The following CREBBP variants were observed in gnomAD, a reference collection of about 807,000 sequenced individuals.
CREBBP encodes CREB binding lysine acetyltransferase, also known as CREB-binding protein.
A neutral mutation model predicts 265.0 loss-of-function variants in CREBBP; 19 were observed. The ratio of observed to expected loss-of-function variants is 0.07; its 90% CI spans 0.05 to 0.11. The LOEUF is 0.11. Among genes scored for constraint, CREBBP ranks in the 10% least tolerant of loss-of-function variants. CREBBP has a pLI of 1.00. For synonymous variants in CREBBP, 1,457 were observed against 1,223.7 expected (o/e 1.19, Z -3.98); for missense variants, 2,525 against 3,219.0 (o/e 0.78, Z 5.22).
intron 28 of CREBBP, among the ~76,000 whole-genome samples, chr16:3,732,793 A>G (rs1412575223): frequency 6.6e-6 from 1 of 151,468 alleles, no homozygotes; most frequent in Non-Finnish European, 1.5e-5. Flanking sequence ...CTCTGCCTCC[A>G]AGGTTCAAGC....
At position 3,758,992 on chromosome 16, in the gene CREBBP, A is replaced by G. The variant is rs1488893838; in HGVS notation, c.3251-20T>C. 23 of 1,568,716 alleles carry G rather than the reference A, an allele frequency of 1.5e-5. No homozygotes were observed. The highest frequency in any genetic ancestry group is 1.9e-5 in the Non-Finnish European group (22 of 1,139,602). Reference sequence around the variant, plus strand: ...TAAAGACTGCAGAGAAAACATCAAGAAAAGACACTTTGTAAAAGGTGCTCA... The same window carrying G: ...TAAAGACTGCAGAGAAAACATCAAGGAAAGACACTTTGTAAAAGGTGCTCA... On this transcript the variant is annotated intron_variant, in intron 16 of 30. Transcript: ENST00000262367.
intron 8 of CREBBP, 78 bp downstream of exon 8, chr16:3,780,654 G>A (rs1440306261): frequency 2.7e-6 from 4 of 1,489,072 alleles, no homozygotes; most frequent in Admixed American, 1.8e-5. Flanking sequence ...TAGGCTCCTA[G>A]GGTACTGTCA....
At position 3,853,435 on chromosome 16, in the gene CREBBP, C is replaced by G. The variant is rs574329185; in HGVS notation, c.86-2426G>C. Among the ~76,000 whole-genome samples, 4 of 150,770 alleles carry G rather than the reference C, an allele frequency of 2.7e-5. No homozygotes were observed. The East Asian group carries it at 7.9e-4, about 30-fold the overall frequency. On this transcript the variant is annotated intron_variant, in intron 1 of 30. Coordinates refer to ENST00000262367, the MANE Select transcript of CREBBP (RefSeq NM_004380.3). ...ACCATCCTGGCTAACACGGTGAAAC[C>G]CTGTCTCTACTAAAAATATAAAAAA...
intron 2 of CREBBP, among the ~76,000 whole-genome samples, chr16:3,845,092 G>T (rs542960141): frequency 6.6e-6 from 1 of 152,242 alleles, no homozygotes; most frequent in African/African-American, 2.4e-5. Context: ...TTGAAAAAAA[G>T]TCCTAAATTT....
chr16:3,790,966 G>A (rs928893159), intron 5 of CREBBP, among the ~76,000 whole-genome samples: 39 of 152,130 alleles, frequency 2.6e-4, no homozygotes, highest in African/African-American at 7.7e-4. Flanking sequence ...AGGCAGCTGC[G>A]GGGTCTTGAG....
chr16:3,822,586 C>T (rs1567340101), intron 2 of CREBBP, among the ~76,000 whole-genome samples: 1 of 152,142 alleles, frequency 6.6e-6, no homozygotes, highest in Non-Finnish European at 1.5e-5. Flanking sequence ...GGTTCTGTGT[C>T]ATCTCCTCAT....
Position 3,728,041 on chromosome 16 carries a change from C to T in CREBBP, c.7006G>A (p.Ala2336Thr), listed in dbSNP as rs543811185. The change falls in exon 31 of 31, where the codon GCC (alanine) becomes ACC (threonine). Residue 2336 changes from alanine (A) to threonine (T), a missense_variant. Around this residue, in one of 19 missense-constraint regions of CREBBP, gnomAD observed 473 missense variants for 459.3 expected, o/e 1.03. Transcript: ENST00000262367. This position sits in a 1 kb window ranked among gnomAD's most constrained non-coding sequence, Gnocchi z 8.7. Reference sequence around the variant, plus strand: ...CGCACCTGGTTACTAAGGGACGTGGCGATCTGCTGGCCAGGGAGATGCGAG... The same window carrying T: ...CGCACCTGGTTACTAAGGGACGTGGTGATCTGCTGGCCAGGGAGATGCGAG... ...QASHLPGQQI[A>T]TSLSNQVRSP... 7 of 1,611,870 alleles carry T rather than the reference C, an allele frequency of 4.3e-6. No individual in the cohort carries two copies. Among genetic ancestry groups the T allele is most frequent in the South Asian group, 1.1e-5 (1 of 90,970 alleles).
intron 1 of CREBBP, among the ~76,000 whole-genome samples, chr16:3,875,622 G>A (rs922976644): frequency 1.3e-5 from 2 of 152,218 alleles, no homozygotes; most frequent in African/African-American, 4.8e-5. Flanking sequence ...ACTAAGCTTG[G>A]CAGGTTCCTG....
intron 12 of CREBBP, 46 bp from the exon 13 acceptor site, chr16:3,773,976 G>A (rs541773227): frequency 1.5e-5 from 24 of 1,603,682 alleles, no homozygotes; most frequent in Admixed American, 6.7e-5. Context: ...GGAAGCTGAC[G>A]GCCAGAGTTT....
At chr16:3,854,409 T>TG (rs1416544716) in intron 1 of CREBBP, among the ~76,000 whole-genome samples, 2 of 152,134 alleles carry the variant, frequency 1.3e-5, no homozygotes, top group African/African-American at 4.8e-5. Flanking sequence ...ACACCTGGGG[T>TG]GGGGAGATCA....
At chr16:3,784,263 G>GA (rs900244880) in intron 5 of CREBBP, among the ~76,000 whole-genome samples, 5 of 151,538 alleles carry the variant, frequency 3.3e-5, no homozygotes, top group South Asian at 4.2e-4. Flanking sequence ...TAAAATGTGT[G>GA]AAAAAAAATT....
chr16:3,863,312 G>C (rs1359535091), intron 1 of CREBBP, among the ~76,000 whole-genome samples: 1 of 152,104 alleles, frequency 6.6e-6, no homozygotes, highest in African/African-American at 2.4e-5. Context: ...AAAAACCCAA[G>C]CAAGACAGGG....
intron 5 of CREBBP, among the ~76,000 whole-genome samples, chr16:3,790,254 A>T (rs2053475555): frequency 6.6e-6 from 1 of 152,142 alleles, no homozygotes; most frequent in South Asian, 2.1e-4. Flanking sequence ...CTGGTTCTAG[A>T]AGACCCAGGA....
intron 13 of CREBBP, among the ~76,000 whole-genome samples, chr16:3,772,868 G>A (rs1019730604): frequency 5.8e-5 from 8 of 138,020 alleles, no homozygotes; most frequent in Admixed American, 1.6e-4. Flanking sequence ...TCAGGAGATC[G>A]AGATCAGCCT....
Position 3,850,914 on chromosome 16 carries a change from G to T in CREBBP, c.181C>A (p.Pro61Thr), listed in dbSNP as rs929503319. The T allele has an allele frequency of 6.2e-6, 10 of 1,614,018 alleles. No individual in the cohort carries two copies. The African/African-American group carries it at 1.3e-4, about 22-fold the overall frequency. ...LGLLNSGNLV[P>T]DAASKHKQLS... ...TGTTTATGTTTGGAAGCAGCATCTG[G>T]AACAAGGTTCCCACTGTTTAAAAGG... The change falls in exon 2 of 31, where the codon CCA becomes ACA. Residue 61 changes from proline to threonine, a missense_variant. Pro to Thr is a conservative substitution (Grantham distance 38, BLOSUM62 -1). Coordinates refer to ENST00000262367, the MANE Select transcript of CREBBP (RefSeq NM_004380.3).
At position 3,753,200 on chromosome 16, in the gene CREBBP, A is replaced by G. The variant is rs2052513880; in HGVS notation, c.3699-1394T>C. ...TGCAGTCTCACTCACTTGCGCACTC[A>G]CACGGCTACAGAAGACTGAGGCGTG... On this transcript the variant is annotated intron_variant, in intron 19 of 30. Coordinates refer to ENST00000262367, the MANE Select transcript of CREBBP (RefSeq NM_004380.3). 2.0e-5 allele frequency among the ~76,000 whole-genome samples: 3 copies of G among 152,368 alleles called. No individual in the cohort carries two copies. In the South Asian group the frequency reaches 6.2e-4, roughly 32 times the overall value.
rs1482867796 is a variant in CREBBP, at chr16:3,727,317, C to T, written c.*401G>A. On this transcript the variant is annotated 3_prime_UTR_variant, in exon 31 of 31. Coordinates refer to ENST00000262367, the MANE Select transcript of CREBBP (RefSeq NM_004380.3). Reference sequence around the variant, plus strand: ...ATCAGTTCTGAATATTATTTTTCTTCTTACTTTTAAACATAAATGTTTAAA... The same window carrying T: ...ATCAGTTCTGAATATTATTTTTCTTTTTACTTTTAAACATAAATGTTTAAA... The T allele has an allele frequency of 1.1e-5, 3 of 264,896 alleles. No homozygotes were observed. The East Asian group carries it at 1.8e-4, about 16-fold the overall frequency. 16.4% of individuals were successfully genotyped at this position (264,896 alleles called of 1,614,324 possible). A position where few individuals can be genotyped will look rare whatever the true frequency, so the allele number is the denominator to read the frequency against.
In CREBBP at chr16:3,810,466, C is replaced by G. The variant is rs1359761946; in HGVS notation, c.975+137G>C. Reference sequence around the variant, plus strand: ...TGTTAAACTCATTTAGAGAGCTACTCATGAGAAATCTGGGTTCTCTTCCTA... The same window carrying G: ...TGTTAAACTCATTTAGAGAGCTACTGATGAGAAATCTGGGTTCTCTTCCTA... On this transcript the variant is annotated intron_variant, in intron 3 of 30. Transcript: ENST00000262367. The G allele has an allele frequency of 8.2e-6, 8 of 975,540 alleles. No individual in the cohort carries two copies. In the East Asian group the frequency reaches 1.9e-4, roughly 23 times the overall value. 60.4% of individuals were successfully genotyped at this position (975,540 alleles called of 1,614,324 possible).
intron 1 of CREBBP, among the ~76,000 whole-genome samples, chr16:3,876,340 G>A (rs757414811): frequency 2.6e-4 from 31 of 119,684 alleles, no homozygotes; most frequent in Non-Finnish European, 4.0e-4. Flanking sequence ...ACCCTGGCCT[G>A]CAATTTCAAA....
Sources: gnomAD v4.1 joint callset for allele counts (sites outside exome capture counted in the v4.1 genomes callset) on GRCh38, gnomAD v4.1.1 for gene constraint, gnomAD v4.1.1 regional missense constraint, Gnocchi (gnomAD v3.1) non-coding constraint, MANE v1.5 for transcripts, NCBI Gene and HGNC (gene_info 2026-07-23, HGNC 2026-07-21) for gene names.